RANBP2: variants seen among roughly 807,000 people sequenced by gnomAD.
RANBP2 encodes E3 SUMO-protein ligase RanBP2.
In RANBP2, 57 loss-of-function variants were observed where a neutral mutation model predicts 303.6. That is an observed-to-expected ratio of 0.19 (90% CI 0.15 to 0.23). The LOEUF (loss-of-function observed/expected upper bound fraction) is 0.23, where lower values mean the gene tolerates loss of function less well. Ranked by LOEUF, RANBP2 falls within the 10% of genes least tolerant of loss-of-function variation. The pLI is 1.00. For missense variants in RANBP2, 3,138 were observed against 3,780.8 expected (o/e 0.83, Z 4.46); for synonymous variants, 1,167 against 1,301.5 (o/e 0.90, Z 2.23).
the RANBP2 span, among the ~76,000 whole-genome samples, chr2:109,533,345 T>C: frequency 6.6e-6 from 1 of 152,236 alleles, no homozygotes; most frequent in Non-Finnish European, 1.5e-5. Flanking sequence ...ATCTTTTTTG[T>C]TAGTGTGCTC....
chr2:109,448,742 T>G, the RANBP2 span, among the ~76,000 whole-genome samples: 81 of 152,194 alleles, frequency 5.3e-4, no homozygotes, highest in Non-Finnish European at 9.1e-4. Context: ...ACATAACAAA[T>G]GTAATGCACT....
At chr2:109,458,601 A>AGAGAGAGAGAGAGAGAGAGAGAGAGT in the RANBP2 span, among the ~76,000 whole-genome samples, 1 of 148,956 alleles carries the variant, frequency 6.7e-6, no homozygotes, top group Non-Finnish European at 1.5e-5. Flanking sequence ...AGAGAGAGAG[A>AGAGAGAGAGAGAGAGAGAGAGAGAGT]ATTTATTTAT....
chr2:108,737,618 G>A (rs1417525983), intron 6 of RANBP2, among the ~76,000 whole-genome samples: 13 of 148,384 alleles, frequency 8.8e-5, no homozygotes, highest in South Asian at 2.1e-4. Context: ...GTGCAGTCTC[G>A]GCTCACTGCA....
chr2:108,937,864 C>A, the RANBP2 span, among the ~76,000 whole-genome samples: 1 of 152,134 alleles, frequency 6.6e-6, no homozygotes, highest in South Asian at 2.1e-4. Context: ...TGGCCCTGAG[C>A]CCTCGGGTGG....
chr2:108,883,349 A>C, the RANBP2 span: 4 of 152,216 alleles, frequency 2.6e-5, no homozygotes. Context: ...AAGAATGTGC[A>C]CTATTTACTG....
chr2:109,353,689 G>A, the RANBP2 span, among the ~76,000 whole-genome samples: 42 of 151,582 alleles, frequency 2.8e-4, 1 homozygote, highest in South Asian at 5.6e-3. Flanking sequence ...CCTAGACTGC[G>A]TGCCCAATGC....
chr2:109,014,966 A>G, the RANBP2 span, among the ~76,000 whole-genome samples: 98 of 152,060 alleles, frequency 6.4e-4, no homozygotes, highest in Middle Eastern at 3.4e-3. Context: ...CTAAAAATAC[A>G]AAAATTAGCC....
chr2:109,535,856 C>T, the RANBP2 span, among the ~76,000 whole-genome samples: 31 of 152,184 alleles, frequency 2.0e-4, no homozygotes, highest in African/African-American at 5.1e-4. Flanking sequence ...GAGCCAAGGA[C>T]GCAATTTAGG....
chr2:109,303,346 G>A, the RANBP2 span, among the ~76,000 whole-genome samples: 28 of 152,230 alleles, frequency 1.8e-4, no homozygotes, highest in Admixed American at 1.3e-3. Context: ...CAAGGTGTGC[G>A]TTCAGTTGAA....
the RANBP2 span, among the ~76,000 whole-genome samples, chr2:108,942,774 G>A: frequency 6.6e-6 from 1 of 152,258 alleles, no homozygotes; most frequent in East Asian, 1.9e-4. Flanking sequence ...ACGAAGGTTC[G>A]TGCCCTGAGA....
chr2:109,345,631 G>A, the RANBP2 span, among the ~76,000 whole-genome samples: 1 of 152,086 alleles, frequency 6.6e-6, no homozygotes, highest in Non-Finnish European at 1.5e-5. Context: ...AAAACTGCTC[G>A]CCTTGATGGA....
At chr2:109,359,926 G>C in the RANBP2 span, among the ~76,000 whole-genome samples, 1 of 152,158 alleles carries the variant, frequency 6.6e-6, no homozygotes, top group African/African-American at 2.4e-5. Context: ...CACGTGAAAA[G>C]AGAGATTTCT....
the RANBP2 span, among the ~76,000 whole-genome samples, chr2:109,194,967 A>G: frequency 1.3e-5 from 2 of 152,122 alleles, no homozygotes; most frequent in Non-Finnish European, 1.5e-5. Flanking sequence ...GGGAACCCCA[A>G]CTCCAGGATC....
chr2:108,856,966 A>G, the RANBP2 span: 1 of 1,581,294 alleles, frequency 6.3e-7, no homozygotes, highest in Non-Finnish European at 8.6e-7. Context: ...TGACGGTGGA[A>G]TCTAGTAAGT....
At chr2:109,338,653 G>C in the RANBP2 span, among the ~76,000 whole-genome samples, 9 of 152,128 alleles carry the variant, frequency 5.9e-5, no homozygotes, top group African/African-American at 2.2e-4. Flanking sequence ...TGCCTCCCGA[G>C]TTCAGGCAGT....
At chr2:108,936,825 C>T in the RANBP2 span, among the ~76,000 whole-genome samples, 7 of 152,204 alleles carry the variant, frequency 4.6e-5, no homozygotes, top group African/African-American at 1.2e-4. Flanking sequence ...TCTGTTTCAC[C>T]GGAGCAGGAG....
At chr2:109,088,884 G>A in the RANBP2 span, among the ~76,000 whole-genome samples, 1 of 152,190 alleles carries the variant, frequency 6.6e-6, no homozygotes, top group South Asian at 2.1e-4. Flanking sequence ...GTATATCTAT[G>A]CCAGGTTCCA....
chr2:108,977,568 C>T, the RANBP2 span, among the ~76,000 whole-genome samples: 2 of 152,142 alleles, frequency 1.3e-5, no homozygotes, highest in Non-Finnish European at 2.9e-5. Context: ...CCGAGCCTGG[C>T]CAGGAGCTCG....
chr2:109,340,297 A>T, the RANBP2 span, among the ~76,000 whole-genome samples: 1 of 152,104 alleles, frequency 6.6e-6, no homozygotes, highest in Non-Finnish European at 1.5e-5. Context: ...TGCTGTAAGG[A>T]TCCTGTGGGT....
Sources: allele counts gnomAD v4.1 joint callset (sites outside exome capture counted in the v4.1 genomes callset), GRCh38; gene constraint gnomAD v4.1.1; transcripts MANE v1.5; gene names NCBI Gene and HGNC (gene_info 2026-07-23, HGNC 2026-07-21).